The following SYNE1 variants were observed in gnomAD, a reference collection of about 807,000 sequenced individuals.
SYNE1 encodes nesprin-1.
A neutral mutation model predicts 1,111.0 loss-of-function variants in SYNE1; 616 were observed. That is an observed-to-expected ratio of 0.55 (90% CI 0.52 to 0.59). The LOEUF (loss-of-function observed/expected upper bound fraction) is 0.59, where lower values mean the gene tolerates loss of function less well. SYNE1 is among the 20% of genes least tolerant of loss of function. The pLI is 0.00. For synonymous variants in SYNE1, 3,855 were observed against 3,825.8 expected (o/e 1.01, Z -0.28); for missense variants, 10,006 against 10,417.0 (o/e 0.96, Z 1.72).
chr6:152,318,806 T>A (rs2095800145), intron 85 of SYNE1, 57 bp downstream of exon 85: 3 of 1,603,314 alleles, frequency 1.9e-6, no homozygotes, highest in African/African-American at 2.7e-5. Flanking sequence ...CAAGTAAAAC[T>A]GACTCCAAAA....
intron 16 of SYNE1, among the ~76,000 whole-genome samples, chr6:152,469,886 C>T (rs1296292962): frequency 6.6e-6 from 1 of 152,136 alleles, no homozygotes; most frequent in Non-Finnish European, 1.5e-5. Context: ...GTAGGGCCAT[C>T]ACTGAGATGA....
At chr6:152,308,267 GAAC>G (rs1562948139) in intron 91 of SYNE1, among the ~76,000 whole-genome samples, 2 of 152,122 alleles carry the variant, frequency 1.3e-5, no homozygotes, top group African/African-American at 4.8e-5. Flanking sequence ...GATATAATAC[GAAC>G]AACGTGTAGA....
At position 152,442,051 on chromosome 6, in the gene SYNE1, T is replaced by A. The variant is rs545874539; in HGVS notation, c.4008+24A>T. 3.4e-5 allele frequency: 55 copies of A among 1,613,760 alleles called. No individual in the cohort carries two copies. In the South Asian group the frequency reaches 6.0e-4, roughly 18 times the overall value. Reference sequence around the variant, plus strand: ...GAACACTGCCCAGCCTCTGTTTAAATGGCCCCTAACTTCCGGCTCCTACCT... The same window carrying A: ...GAACACTGCCCAGCCTCTGTTTAAAAGGCCCCTAACTTCCGGCTCCTACCT... On this transcript the variant is annotated intron_variant, in intron 31 of 145. Transcript: ENST00000367255.
intron 3 of SYNE1, among the ~76,000 whole-genome samples, chr6:152,571,057 C>T (rs1234335877): frequency 6.6e-6 from 1 of 152,018 alleles, no homozygotes; most frequent in Non-Finnish European, 1.5e-5. Context: ...GATGTTTACT[C>T]TGGTCTTTTT....
In SYNE1 at chr6:152,429,869, A is replaced by C. The variant is rs73628564; in HGVS notation, c.4788+243T>G. Among the ~76,000 whole-genome samples the C allele has an allele frequency of 3.3e-3, 500 of 152,304 alleles. 2 individuals are homozygous for C. Among genetic ancestry groups the C allele is most frequent in the African/African-American group, 0.012 (482 of 41,562 alleles). Reference sequence around the variant, plus strand: ...TCTAAAAATGTTACTCATCCTAATTAAAAGAGAGAAATGTATTTGAAATGA... The same window carrying C: ...TCTAAAAATGTTACTCATCCTAATTCAAAGAGAGAAATGTATTTGAAATGA... On this transcript the variant is annotated intron_variant, in intron 36 of 145. Coordinates refer to ENST00000367255, the MANE Select transcript of SYNE1 (RefSeq NM_182961.4).
chr6:152,189,232 A>G lies in SYNE1; in HGVS notation c.23301+20T>C. 1 of 1,612,708 alleles carries G rather than the reference A, an allele frequency of 6.2e-7. No homozygotes were observed. The highest frequency in any genetic ancestry group is 2.2e-5 in the East Asian group (1 of 44,846). On this transcript the variant is annotated intron_variant, in intron 128 of 145. Coordinates refer to ENST00000367255, the MANE Select transcript of SYNE1 (RefSeq NM_182961.4). ...AATTTTCCATCATCAAGATAATTCCATTTTTAGAACTTATCTTACCTGGTG... is the reference window on the plus strand; with the variant it reads ...AATTTTCCATCATCAAGATAATTCCGTTTTTAGAACTTATCTTACCTGGTG...
At chr6:152,319,789 T>C (rs1392259570) in intron 84 of SYNE1, 1 of 152,140 alleles carries the variant, frequency 6.6e-6, no homozygotes, top group African/African-American at 2.4e-5. Flanking sequence ...ATGAAATACA[T>C]ATGAATAAGG....
intron 50 of SYNE1, 41 bp downstream of exon 50, chr6:152,396,734 C>T: frequency 6.4e-7 from 1 of 1,568,806 alleles, no homozygotes; most frequent in Non-Finnish European, 8.8e-7. Context: ...TAAAAACACA[C>T]TTGGTGTATG....
chr6:152,321,985 T>C (rs2095878704), intron 82 of SYNE1, 99 bp from the exon 83 acceptor site: 2 of 1,334,960 alleles, frequency 1.5e-6, no homozygotes, highest in East Asian at 2.3e-5. Flanking sequence ...ATGGGAAACC[T>C]AGTATCTTTT....
chr6:152,208,041 G>A lies in SYNE1; in HGVS notation c.22755C>T (p.Leu7585=), dbSNP rs2076844619. 1 of 1,614,006 alleles carries A rather than the reference G, an allele frequency of 6.2e-7. No homozygotes were observed. Among genetic ancestry groups the A allele is most frequent in the African/African-American group, 1.3e-5 (1 of 74,898 alleles). The change falls in exon 125 of 146, where the codon CTC becomes CTT. Residue 7585 remains leucine, a synonymous_variant. Coordinates refer to ENST00000367255, the MANE Select transcript of SYNE1 (RefSeq NM_182961.4). The part of the protein sequence containing the change: ...LRKWLVEVSY[L]PMSGLGSVPI... ...GAACACTTCCGAGACCACTCATGGG[G>A]AGGTAGGACACTTCAACCAACCATT...
chr6:152,387,299 G>A lies in SYNE1; in HGVS notation c.8260C>T (p.Gln2754Ter). The change falls in exon 54 of 146, where the codon CAA (glutamine) becomes TAA (stop). Residue 2754 changes from glutamine (Q) to a stop codon, truncating the protein, a stop_gained. Transcript: ENST00000367255. LOFTEE classifies it high-confidence loss of function. ...GGTTGTAAGGGATGTTCTATTTTTT[G>A]ATCCACTGATTCCATCCACTGCTCC... ...QLEQWMESVDQKIEHPLQPQP... is the reference protein window; with the variant it reads ...QLEQWMESVD 1 of 1,614,130 alleles carries A rather than the reference G, an allele frequency of 6.2e-7. No homozygotes were observed. Among genetic ancestry groups the A allele is most frequent in the Non-Finnish European group, 8.5e-7 (1 of 1,180,034 alleles).
chr6:152,300,290 A>G (rs2095101122), intron 93 of SYNE1, among the ~76,000 whole-genome samples: 1 of 152,172 alleles, frequency 6.6e-6, no homozygotes, highest in Non-Finnish European at 1.5e-5. Context: ...AAGCCATCGA[A>G]TCACGTTATT....
intron 53 of SYNE1, among the ~76,000 whole-genome samples, 181 bp from the exon 54 acceptor site, chr6:152,387,562 G>A (rs2097543410): frequency 6.6e-6 from 1 of 152,124 alleles, no homozygotes; most frequent in Non-Finnish European, 1.5e-5. Flanking sequence ...CCTTACCACA[G>A]GTCCTTTGAA....
intron 28 of SYNE1, among the ~76,000 whole-genome samples, chr6:152,448,611 C>A (rs568412127): frequency 2.1e-4 from 32 of 152,216 alleles, no homozygotes; most frequent in African/African-American, 7.7e-4. Flanking sequence ...GGAGGCCGAG[C>A]AGGGCGGATC....
intron 6 of SYNE1, among the ~76,000 whole-genome samples, chr6:152,514,126 G>T (rs1483782787): frequency 6.6e-6 from 1 of 152,166 alleles, no homozygotes; most frequent in Non-Finnish European, 1.5e-5. Flanking sequence ...CCCCATTACT[G>T]GGTATATACC....
chr6:152,526,962 T>C (rs914604797), intron 4 of SYNE1, among the ~76,000 whole-genome samples: 1 of 152,166 alleles, frequency 6.6e-6, no homozygotes, highest in African/African-American at 2.4e-5. Context: ...TTAGGGTCTA[T>C]CTTGGCTCAG....
chr6:152,363,399 C>T (rs1040323159), intron 63 of SYNE1, among the ~76,000 whole-genome samples: 4 of 150,414 alleles, frequency 2.7e-5, no homozygotes, highest in Non-Finnish European at 5.9e-5. Context: ...GAGGCTGAGG[C>T]AGGAGAATGG....
At position 152,463,404 on chromosome 6, in the gene SYNE1, T is replaced by C. The variant is rs774449551; in HGVS notation, c.2046A>G (p.Gln682=). The C allele has an allele frequency of 1.2e-6, 2 of 1,613,868 alleles. No individual in the cohort carries two copies. Among genetic ancestry groups the C allele is most frequent in the Non-Finnish European group, 1.7e-6 (2 of 1,179,810 alleles). ...DEMVSRDLKQ[Q]LLLLNGRWRE... ...TCCACCGCCCATTTAGCAACAGTAATTGCTGCTTCAGGTCACGGGAAACCA... is the reference window on the plus strand; with the variant it reads ...TCCACCGCCCATTTAGCAACAGTAACTGCTGCTTCAGGTCACGGGAAACCA... The change falls in exon 19 of 146, where the codon CAA becomes CAG. Residue 682 remains glutamine (Q), a synonymous_variant. Coordinates refer to ENST00000367255, the MANE Select transcript of SYNE1 (RefSeq NM_182961.4).
At chr6:152,165,494 T>C (rs1292058811) in intron 130 of SYNE1, among the ~76,000 whole-genome samples, 5 of 152,194 alleles carry the variant, frequency 3.3e-5, no homozygotes, top group African/African-American at 1.2e-4. Flanking sequence ...TAATTAATAA[T>C]TCTTCTATTT....
Sources: gnomAD v4.1 joint callset for allele counts (sites outside exome capture counted in the v4.1 genomes callset) on GRCh38, gnomAD v4.1.1 for gene constraint, MANE v1.5 for transcripts, NCBI Gene and HGNC (gene_info 2026-07-23, HGNC 2026-07-21) for gene names.